Variants in MASTL observed in about 807,000 individuals in gnomAD.
The protein encoded by MASTL is microtubule associated serine/threonine kinase like.
Under a neutral mutation model 82.5 loss-of-function variants are expected in MASTL, and 54 were observed. The observed-to-expected ratio is 0.65, with a 90% CI of 0.53 to 0.82. The LOEUF is 0.82. MASTL is among the 40% of genes least tolerant of loss of function. MASTL has a pLI of 0.00. For synonymous variants in MASTL, 323 were observed against 368.9 expected (o/e 0.88, Z 1.43); for missense variants, 950 against 1,047.8 (o/e 0.91, Z 1.29).
At position 27,158,536 on chromosome 10, in the gene MASTL, T is replaced by C; in HGVS notation, c.187-13T>C. ...AAAATAACATGATATCACTTTTATTTTATCTATTACAGGTTGTTAAAAAAG... is the reference window on the plus strand; with the variant it reads ...AAAATAACATGATATCACTTTTATTCTATCTATTACAGGTTGTTAAAAAAG... On this transcript the variant is annotated splice_polypyrimidine_tract_variant and intron_variant, in intron 1 of 11. Coordinates refer to ENST00000375940, the MANE Select transcript of MASTL (RefSeq NM_001172303.3). 4 of 1,570,586 alleles carry C rather than the reference T, an allele frequency of 2.5e-6. No individual in the cohort carries two copies. The highest frequency in any genetic ancestry group is 3.5e-6 in the Non-Finnish European group (4 of 1,140,624).
chr10:27,173,323 A>C, intron 9 of MASTL, 64 bp downstream of exon 9: 1 of 1,595,428 alleles, frequency 6.3e-7, no homozygotes, highest in Non-Finnish European at 8.6e-7. Context: ...TTCAAGGTTA[A>C]ATTTTAAAAA....
intron 11 of MASTL, among the ~76,000 whole-genome samples, chr10:27,182,273 T>C (rs973786126): frequency 6.7e-6 from 1 of 148,462 alleles, no homozygotes; most frequent in African/African-American, 2.5e-5. Context: ...CAAGTTCCAA[T>C]ATAATACTAC....
At chr10:27,157,166 T>C (rs1045229170) in intron 1 of MASTL, among the ~76,000 whole-genome samples, 31 of 152,292 alleles carry the variant, frequency 2.0e-4, no homozygotes, top group African/African-American at 7.5e-4. Flanking sequence ...ACCTGTCTTA[T>C]TCATGTATTA....
chr10:27,159,018 A>G lies in MASTL; in HGVS notation c.324+332A>G, dbSNP rs549203231. ...AGTTCAAGACCAACTTGGGGAACATAAGGAGACTCCATCTCTACAAAAAAA... is the reference window on the plus strand; with the variant it reads ...AGTTCAAGACCAACTTGGGGAACATGAGGAGACTCCATCTCTACAAAAAAA... On this transcript the variant is annotated intron_variant, in intron 2 of 11. Coordinates refer to ENST00000375940, the MANE Select transcript of MASTL (RefSeq NM_001172303.3). The surrounding 1 kb of genome is among the most constrained non-coding windows in gnomAD (Gnocchi z 4.0). Among the ~76,000 whole-genome samples, 2 of 152,350 alleles carry G rather than the reference A, an allele frequency of 1.3e-5. No homozygotes were observed. Among genetic ancestry groups the G allele is most frequent in the South Asian group, 2.1e-4 (1 of 4,826 alleles).
intron 9 of MASTL, among the ~76,000 whole-genome samples, chr10:27,174,560 C>T (rs2058045317): frequency 6.6e-6 from 1 of 152,088 alleles, no homozygotes; most frequent in Non-Finnish European, 1.5e-5. Context: ...AATCAGGTGT[C>T]CACAGGGCTA....
In MASTL at chr10:27,159,822, C is replaced by G; in HGVS notation, c.464+64C>G. ...AAGTAATCAAATTACATATTTGAGT[C>G]TCAGATATTCACAGTAACCACTTGC... is the stretch of plus-strand genomic sequence containing the variant. On this transcript the variant is annotated intron_variant, in intron 3 of 11. Coordinates refer to ENST00000375940, the MANE Select transcript of MASTL (RefSeq NM_001172303.3). This position sits in a 1 kb window ranked among gnomAD's most constrained non-coding sequence, Gnocchi z 4.0. 7.3e-7 allele frequency: 1 copy of G among 1,374,030 alleles called. No homozygotes were observed. Among genetic ancestry groups the G allele is most frequent in the Middle Eastern group, 1.8e-4 (1 of 5,582 alleles). 85.1% of individuals were successfully genotyped at this position (1,374,030 alleles called of 1,614,324 possible). A position where few individuals can be genotyped will look rare whatever the true frequency, so the allele number is the denominator to read the frequency against.
chr10:27,157,439 G>T (rs1248544534), intron 1 of MASTL, among the ~76,000 whole-genome samples: 1 of 152,140 alleles, frequency 6.6e-6, no homozygotes, highest in Non-Finnish European at 1.5e-5. Context: ...GAAAAATCAT[G>T]TTACCAGCTT....
At chr10:27,157,651 AT>A (rs2057437076) in intron 1 of MASTL, among the ~76,000 whole-genome samples, 1 of 151,984 alleles carries the variant, frequency 6.6e-6, no homozygotes, top group Non-Finnish European at 1.5e-5. Flanking sequence ...TTATTTATGT[AT>A]TTTTAATTTT....
At chr10:27,183,096 T>C (rs554585425) in intron 11 of MASTL, among the ~76,000 whole-genome samples, 1 of 152,340 alleles carries the variant, frequency 6.6e-6, no homozygotes, top group East Asian at 1.9e-4. Context: ...TTCTGTAATT[T>C]CTTATTGCTT....
chr10:27,184,427 C>A (rs900157207), intron 11 of MASTL, among the ~76,000 whole-genome samples: 1 of 152,008 alleles, frequency 6.6e-6, no homozygotes, highest in Non-Finnish European at 1.5e-5. Flanking sequence ...GTTTCAACTT[C>A]TGATGCTGTA....
chr10:27,154,816 T>C (rs559814747), upstream of MASTL: 2 of 157,230 alleles, frequency 1.3e-5, no homozygotes, highest in South Asian at 1.8e-4. Context: ...TGCTACAATT[T>C]AGTGCTCTTT....
At chr10:27,157,843 A>T (rs73598036) in intron 1 of MASTL, among the ~76,000 whole-genome samples, 8,481 of 151,374 alleles carry the variant, frequency 0.056, 257 homozygotes, top group African/African-American at 0.083. Flanking sequence ...TTCTGATTCT[A>T]TCCCCATCTA....
At chr10:27,161,547 T>A (rs11015576) in intron 4 of MASTL, among the ~76,000 whole-genome samples, 1 of 79,070 alleles carries the variant, frequency 1.3e-5, no homozygotes, top group Non-Finnish European at 2.9e-5. Context: ...ATATAAAAAA[T>A]TAAAAAAAAT....
At chr10:27,167,644 CAT>C (rs2057783491) in intron 7 of MASTL, among the ~76,000 whole-genome samples, 1 of 152,240 alleles carries the variant, frequency 6.6e-6, no homozygotes, top group South Asian at 2.1e-4. Flanking sequence ...TTTAAAAACT[CAT>C]ATTACCTCCT....
intron 7 of MASTL, among the ~76,000 whole-genome samples, chr10:27,167,820 C>G (rs2057788662): frequency 6.6e-6 from 1 of 151,892 alleles, no homozygotes; most frequent in African/African-American, 2.4e-5. Flanking sequence ...CTTTACTTAA[C>G]TTACATATTG....
In MASTL at chr10:27,170,841, G is replaced by A. The variant is rs780924900; in HGVS notation, c.1882G>A (p.Val628Ile). 9 of 1,614,144 alleles carry A rather than the reference G, an allele frequency of 5.6e-6. No homozygotes were observed. The highest frequency in any genetic ancestry group is 2.2e-5 in the East Asian group (1 of 44,866). The change falls in exon 8 of 12, where the codon GTA becomes ATA. Residue 628 changes from valine (V) to isoleucine (I), a missense_variant. By Grantham distance (29) the Val-to-Ile change is conservative (BLOSUM62 3). Coordinates refer to ENST00000375940, the MANE Select transcript of MASTL (RefSeq NM_001172303.3). Reference sequence around the variant, plus strand: ...ACCAAAAGGTGTCGAGAACCCTGCTGTACAAGAGAGTAACCAAAAAATGTT... The same window carrying A: ...ACCAAAAGGTGTCGAGAACCCTGCTATACAAGAGAGTAACCAAAAAATGTT... ...TSPKGVENPA[V>I]QESNQKMLGP... is the part of the protein sequence containing the mutation.
chr10:27,161,285 A>G, intron 4 of MASTL, 103 bp downstream of exon 4: 1 of 691,670 alleles, frequency 1.4e-6, no homozygotes, highest in Non-Finnish European at 2.7e-6. Context: ...AGGCGGGCAG[A>G]TCACCTGAGG....
Position 27,170,604 on chromosome 10 carries a change from T to C in MASTL, c.1645T>C (p.Leu549=), listed in dbSNP as rs2057898669. 6.2e-7 allele frequency: 1 copy of C among 1,608,476 alleles called. No individual in the cohort carries two copies. The part of the protein sequence containing the change: ...DCEKNSKRDY[L]SSSFLCSDDD... Reference sequence around the variant, plus strand: ...TGAAAAGAATAGTAAGAGGGACTACTTAAGTTCTAGTTTTCTATGTTCTGA... The same window carrying C: ...TGAAAAGAATAGTAAGAGGGACTACCTAAGTTCTAGTTTTCTATGTTCTGA... The change falls in exon 8 of 12, where the codon TTA becomes CTA. Residue 549 remains leucine, a synonymous_variant. Transcript: ENST00000375940.
chr10:27,170,316 A>C lies in MASTL; in HGVS notation c.1357A>C (p.Ser453Arg), dbSNP rs776001345. Residue 453 changes from serine to arginine, a missense_variant, in exon 8 of 12, where the codon AGT becomes CGT. By Grantham distance (110) the Ser-to-Arg change is moderately radical (BLOSUM62 -1). Coordinates refer to ENST00000375940, the MANE Select transcript of MASTL (RefSeq NM_001172303.3). ...AAGAAATTTTGAGTTGGTTGACTCC[A>C]GTCCTTGTAAAAAAATTATACAGAA... is the stretch of plus-strand genomic sequence containing the variant. ...LKRNFELVDS[S>R]PCKKIIQNKK... 1 of 1,613,850 alleles carries C rather than the reference A, an allele frequency of 6.2e-7. No homozygotes were observed.
Sources: allele counts gnomAD v4.1 joint callset (sites outside exome capture counted in the v4.1 genomes callset), GRCh38; gene constraint gnomAD v4.1.1; non-coding constraint Gnocchi (gnomAD v3.1); transcripts MANE v1.5; gene names NCBI Gene and HGNC (gene_info 2026-07-23, HGNC 2026-07-21).